Variants in RFLNA observed in about 807,000 individuals in gnomAD.
The protein encoded by RFLNA is refilin A, also known as refilin-A.
In RFLNA, 5 loss-of-function variants were observed where a neutral mutation model predicts 7.8. The ratio of observed to expected loss-of-function variants is 0.64; its 90% confidence interval spans 0.34 to 1.35. RFLNA has a LOEUF of 1.35. RFLNA is among the 40% of genes most tolerant of loss of function. The pLI, the probability that RFLNA is intolerant of heterozygous loss-of-function variation, is 0.04. For synonymous variants in RFLNA, 141 were observed against 131.3 expected, an observed-to-expected ratio of 1.07 and a Z score of -0.50; for missense variants, 278 against 305.5, an observed-to-expected ratio of 0.91 and a Z score of 0.67.
intron 1 of RFLNA, among the ~76,000 whole-genome samples, chr12:124,302,931 G>A (rs1040605122): frequency 6.6e-6 from 1 of 152,014 alleles, no homozygotes; most frequent in South Asian, 2.1e-4. Flanking sequence ...CCTCTCCCGC[G>A]GCCCGTGTGG....
upstream of RFLNA, among the ~76,000 whole-genome samples, chr12:124,293,062 T>G (rs959781164): frequency 6.6e-6 from 1 of 152,180 alleles, no homozygotes; most frequent in Non-Finnish European, 1.5e-5. Flanking sequence ...TAGTTGGGAT[T>G]ACAGGCGCCC....
chr12:124,311,695 A>G (rs1024975772), intron 1 of RFLNA, 123 bp from the exon 2 acceptor site: 4 of 947,246 alleles, frequency 4.2e-6, no homozygotes, highest in Non-Finnish European at 5.9e-6. Flanking sequence ...GATGGGCCCC[A>G]CCAAGCAGCT....
intron 1 of RFLNA, among the ~76,000 whole-genome samples, chr12:124,304,341 T>G (rs538339717): frequency 6.6e-6 from 1 of 152,324 alleles, no homozygotes; most frequent in Non-Finnish European, 1.5e-5. Flanking sequence ...CTTTCACGGC[T>G]TCTGGTGTCT....
intron 1 of RFLNA, among the ~76,000 whole-genome samples, chr12:124,305,207 C>T (rs192802164): frequency 1.3e-5 from 2 of 152,300 alleles, no homozygotes; most frequent in Non-Finnish European, 2.9e-5. Flanking sequence ...AGGGAGGTAC[C>T]TCCACCCCAG....
upstream of RFLNA, among the ~76,000 whole-genome samples, chr12:124,294,770 G>A (rs2033874982): frequency 6.6e-6 from 1 of 152,254 alleles, no homozygotes; most frequent in African/African-American, 2.4e-5. Flanking sequence ...TTCTCAAGCT[G>A]CTTTTATTGG....
rs773124467 is a variant in RFLNA at position 124,311,885 on chromosome 12, G to C, written c.275G>C (p.Gly92Ala). The change falls in exon 2 of 3, where the codon GGG becomes GCG. Residue 92 changes from glycine (G) to alanine (A), a missense_variant. Gly to Ala is a moderately conservative substitution (Grantham distance 60). Transcript: ENST00000546355. Reference sequence around the variant, plus strand: ...CCCCGGATGCTGCCAGTGTTCTTTGGGGAGAGCATCAAGGTGAACCCGGAA... The same window carrying C: ...CCCCGGATGCTGCCAGTGTTCTTTGCGGAGAGCATCAAGGTGAACCCGGAA... ...MRPRMLPVFF[G>A]ESIKVNPEPT... is the part of the protein sequence containing the mutation. 1.2e-6 allele frequency: 2 copies of C among 1,601,650 alleles called. No individual in the cohort carries two copies. Among genetic ancestry groups the C allele is most frequent in the Admixed American group, 3.4e-5 (2 of 58,702 alleles).
At position 124,306,162 on chromosome 12, in the gene RFLNA, G is replaced by A. The variant is rs1333768031; in HGVS notation, c.208-5656G>A. On this transcript the variant is annotated intron_variant, in intron 1 of 2. Transcript: ENST00000546355. The surrounding 1 kb of genome is among the most constrained non-coding windows in gnomAD (Gnocchi z 5.2). ...GGTCTCCCCTCCCCATAGTGCAGGG[G>A]CGGAGAGGTGCCAGGTCCTGGGCTT... Among the ~76,000 whole-genome samples, 1 of 151,966 alleles carries A rather than the reference G, an allele frequency of 6.6e-6. No homozygotes were observed. The highest frequency in any genetic ancestry group is 1.5e-5 in the Non-Finnish European group (1 of 67,966).
At position 124,314,348 on chromosome 12, in the gene RFLNA, C is replaced by A; in HGVS notation, c.474C>A (p.Arg158=). 6.2e-7 allele frequency: 1 copy of A among 1,613,424 alleles called. No homozygotes were observed. The highest frequency in any genetic ancestry group is 2.2e-5 in the East Asian group (1 of 44,886). ...GCAGCCAGCTGACCCTGGAGCCACGCCCGCGCGCCCTGCGCTTCCGCAGCA... is the reference window on the plus strand; with the variant it reads ...GCAGCCAGCTGACCCTGGAGCCACGACCGCGCGCCCTGCGCTTCCGCAGCA... The part of the protein sequence containing the change: ...NYRSQLTLEP[R]PRALRFRSTT... Residue 158 remains arginine, a synonymous_variant, in exon 3 of 3, where the codon CGC becomes CGA. Coordinates refer to ENST00000546355, the MANE Select transcript of RFLNA (RefSeq NM_001365156.1).
intron 1 of RFLNA, among the ~76,000 whole-genome samples, chr12:124,304,268 C>G (rs945669216): frequency 6.6e-6 from 1 of 152,218 alleles, no homozygotes; most frequent in Admixed American, 6.5e-5. Flanking sequence ...TGGGCCTTGG[C>G]GGGGACTTCC....
chr12:124,291,301 C>A (rs1046612024), upstream of RFLNA, among the ~76,000 whole-genome samples: 5 of 152,160 alleles, frequency 3.3e-5, no homozygotes, highest in African/African-American at 1.2e-4. Context: ...ATTGCCCAGG[C>A]TGGAGTGCAG....
chr12:124,306,709 T>C lies in RFLNA; in HGVS notation c.208-5109T>C, dbSNP rs1841459042. Among the ~76,000 whole-genome samples, 1 of 152,034 alleles carries C rather than the reference T, an allele frequency of 6.6e-6. No homozygotes were observed. The highest frequency in any genetic ancestry group is 2.4e-5 in the African/African-American group (1 of 41,372). On this transcript the variant is annotated intron_variant, in intron 1 of 2. Coordinates refer to ENST00000546355, the MANE Select transcript of RFLNA (RefSeq NM_001365156.1). The surrounding 1 kb of genome is among the most constrained non-coding windows in gnomAD (Gnocchi z 5.2). The stretch of plus-strand genomic sequence containing the variant: ...GCTGGGGTTTTTTATAAGGATCAGA[T>C]GAGTAGGATATGTGGCGAGTGCCCA...
rs2034005777 is a variant in RFLNA at position 124,300,378 on chromosome 12, C to T, written c.207+4742C>T. ...ACCCACATTGCAAGAGAAGCCATCC[C>T]TAAGAACTCCCCTGGGGGCCCAGCT... is the stretch of plus-strand genomic sequence containing the variant. On this transcript the variant is annotated intron_variant, in intron 1 of 2. Coordinates refer to ENST00000546355, the MANE Select transcript of RFLNA (RefSeq NM_001365156.1). 1.3e-5 allele frequency among the ~76,000 whole-genome samples: 2 copies of T among 152,228 alleles called. 1 individual carries two copies. The highest frequency in any genetic ancestry group is 4.1e-4 in the South Asian group (2 of 4,830).
Position 124,295,554 on chromosome 12 carries a change from C to G in RFLNA, c.125C>G (p.Ser42Cys), listed in dbSNP as rs570741502. ...PSPSPSPPFY[S>C]LAPGILDARA... is the part of the protein sequence containing the mutation. Reference sequence around the variant, plus strand: ...CCCAGCCCCAGCCCGCCCTTCTACTCCCTGGCGCCCGGCATCCTCGACGCG... The same window carrying G: ...CCCAGCCCCAGCCCGCCCTTCTACTGCCTGGCGCCCGGCATCCTCGACGCG... Residue 42 changes from serine (S) to cysteine (C), a missense_variant, in exon 1 of 3, where the codon TCC (serine) becomes TGC (cysteine). Transcript: ENST00000546355. 207 of 1,198,408 alleles carry G rather than the reference C, an allele frequency of 1.7e-4. 1 individual carries two copies. In the East Asian group the frequency reaches 6.5e-3, roughly 37 times the overall value. 74.2% of individuals were successfully genotyped at this position (1,198,408 alleles called of 1,614,324 possible).
intron 1 of RFLNA, among the ~76,000 whole-genome samples, chr12:124,302,272 T>C (rs1485489733): frequency 6.6e-6 from 1 of 152,216 alleles, no homozygotes; most frequent in Admixed American, 6.5e-5. Context: ...CCCATCTTGC[T>C]GACTTGGGTG....
chr12:124,301,041 C>T (rs544906924), intron 1 of RFLNA, among the ~76,000 whole-genome samples: 30 of 152,306 alleles, frequency 2.0e-4, no homozygotes, highest in African/African-American at 6.3e-4. Context: ...AGGGATCGGT[C>T]CCCATGGCCC....
In RFLNA at chr12:124,297,484, T is replaced by G. The variant is rs139920963; in HGVS notation, c.207+1848T>G. Among the ~76,000 whole-genome samples the G allele has an allele frequency of 8.4e-3, 1,279 of 152,254 alleles. 10 individuals are homozygous for G. The highest frequency in any genetic ancestry group is 0.015 in the Admixed American group (223 of 15,294). On this transcript the variant is annotated intron_variant, in intron 1 of 2. Transcript: ENST00000546355. Reference sequence around the variant, plus strand: ...TTATTTACACCAATTCATTTAATTTTCACTATATTCCCATGAAGCCTACAC... The same window carrying G: ...TTATTTACACCAATTCATTTAATTTGCACTATATTCCCATGAAGCCTACAC...
Position 124,295,325 on chromosome 12 carries a change from C to T in RFLNA, c.-105C>T. On this transcript the variant is annotated 5_prime_UTR_variant, in exon 1 of 3. Transcript: ENST00000546355. ...GCCGCCTCTCGCGGTGCCCGCAGGT[C>T]CCCGGGCGCGCAGCTCTCGCCCCGC... 1.8e-6 allele frequency: 1 copy of T among 562,492 alleles called. No individual in the cohort carries two copies. The highest frequency in any genetic ancestry group is 4.4e-5 in the East Asian group (1 of 22,604). The allele number at this position is 562,492 out of a possible 1,614,324, so 34.8% of individuals were successfully genotyped here.
At chr12:124,292,517 C>T (rs2033838912), upstream of RFLNA, among the ~76,000 whole-genome samples, 2 of 152,208 alleles carry the variant, frequency 1.3e-5, no homozygotes, top group East Asian at 1.9e-4. Context: ...TCCACAGTAC[C>T]GGCTTTCAAT....
At chr12:124,303,453 T>G (rs1279191745) in intron 1 of RFLNA, among the ~76,000 whole-genome samples, 1 of 152,194 alleles carries the variant, frequency 6.6e-6, no homozygotes, top group Non-Finnish European at 1.5e-5. Context: ...CCCAGAAGCC[T>G]GGGAGTAAGC....
Sources: allele counts gnomAD v4.1 joint callset (sites outside exome capture counted in the v4.1 genomes callset), GRCh38; gene constraint gnomAD v4.1.1; non-coding constraint Gnocchi (gnomAD v3.1); transcripts MANE v1.5; gene names NCBI Gene and HGNC (gene_info 2026-07-23, HGNC 2026-07-21).